Variants in AFDN observed in about 807,000 individuals in gnomAD.
AFDN encodes afadin, adherens junction formation factor.
Under a neutral mutation model 216.6 loss-of-function variants are expected in AFDN, and 68 were observed. The ratio of observed to expected loss-of-function variants is 0.31; its 90% confidence interval spans 0.26 to 0.38. The LOEUF (loss-of-function observed/expected upper bound fraction) is 0.38. AFDN is among the 10% of genes least tolerant of loss of function. The pLI is 1.00. For synonymous variants in AFDN, 868 were observed against 853.7 expected, an observed-to-expected ratio of 1.02 and a Z score of -0.29; for missense variants, 2,136 against 2,342.0, an observed-to-expected ratio of 0.91 and a Z score of 1.82.
rs181125786 is a variant in AFDN at position 167,856,619 on chromosome 6, C to T, written c.106-7932C>T. Among the ~76,000 whole-genome samples, 96 of 152,172 alleles carry T rather than the reference C, an allele frequency of 6.3e-4. 1 individual carries two copies. The highest frequency in any genetic ancestry group is 4.2e-3 in the Admixed American group (64 of 15,276). ...ATAGCCATGTATTTGAAGAAAGTAA[C>T]ATACTGATGAAATATGTAGTTCCTA... On this transcript the variant is annotated intron_variant, in intron 1 of 33. Transcript: ENST00000683244.
At chr6:167,872,516 C>T in intron 4 of AFDN, 139 bp downstream of exon 4, 1 of 916,868 alleles carries the variant, frequency 1.1e-6, no homozygotes, top group East Asian at 2.4e-5. Context: ...CTACTCCCAG[C>T]TCTTCTGTGT....
chr6:167,962,505 A>AGGCAAGAGGAAGAGCGCCGGC lies in AFDN; in HGVS notation c.4911_4931dup (p.Arg1642_Arg1648dup). 1 of 1,613,804 alleles carries AGGCAAGAGGAAGAGCGCCGGC rather than the reference A, an allele frequency of 6.2e-7. No individual in the cohort carries two copies. Among genetic ancestry groups the AGGCAAGAGGAAGAGCGCCGGC allele is most frequent in the Non-Finnish European group, 8.5e-7 (1 of 1,179,746 alleles). ...CAAGCGGGAAGCGGAAGACCGAGCG[A>AGGCAAGAGGAAGAGCGCCGGC]GGCAAGAGGAAGAGCGCCGGCGGCA... is the stretch of plus-strand genomic sequence containing the variant. On this transcript the variant is annotated inframe_insertion, in exon 31 of 34. Transcript: ENST00000683244. This position sits in a 1 kb window ranked among gnomAD's most constrained non-coding sequence, Gnocchi z 5.2.
Position 167,969,126 on chromosome 6 carries a change from A to C in AFDN, c.5270A>C (p.Tyr1757Ser). 2.5e-6 allele frequency: 4 copies of C among 1,613,594 alleles called. No homozygotes were observed. In the South Asian group the frequency reaches 4.4e-5, roughly 18 times the overall value. ...TTTCATGGAAAAGGACCAAACTCTT[A>C]CCCAGGATCTACTGGAGCAGCTGTT... The part of the protein sequence containing the change: ...EDCSLAGPNS[Y>S]PGSTGAAVGA... Residue 1757 changes from tyrosine to serine, a missense_variant, in exon 33 of 34, where the codon TAC (tyrosine) becomes TCC (serine). Tyr to Ser is a moderately radical substitution (Grantham distance 144, BLOSUM62 -2). Around this residue, in one of 8 missense-constraint regions of AFDN, gnomAD observed 981 missense variants for 966.0 expected, o/e 1.02. Transcript: ENST00000683244.
intron 2 of AFDN, among the ~76,000 whole-genome samples, chr6:167,865,927 A>AT (rs1784127749): frequency 1.3e-5 from 2 of 151,844 alleles, no homozygotes; most frequent in Admixed American, 6.6e-5. Flanking sequence ...AAGTCAGGCC[A>AT]TTTTTTGTTG....
At chr6:167,868,718 GT>G (rs1784462477) in intron 2 of AFDN, among the ~76,000 whole-genome samples, 1 of 147,566 alleles carries the variant, frequency 6.8e-6, no homozygotes. Flanking sequence ...CATTGGCCGA[GT>G]TTGTGCTTGA....
rs747568923 is a variant in AFDN, at chr6:167,864,412, A to ATC, written c.106-133_106-132dup. Reference sequence around the variant, plus strand: ...AATGAAACTTGAAGACTAAAAACCCATCTCTCTACATTAGTCTCAGATGTT... The same window carrying ATC: ...AATGAAACTTGAAGACTAAAAACCCATCTCTCTCTACATTAGTCTCAGATGTT... On this transcript the variant is annotated intron_variant, in intron 1 of 33. Transcript: ENST00000683244. The ATC allele has an allele frequency of 1.4e-5, 12 of 855,084 alleles. No homozygotes were observed. The East Asian group carries it at 2.6e-4, about 19-fold the overall frequency. 53.0% of individuals were successfully genotyped at this position (855,084 alleles called of 1,614,324 possible). A position where few individuals can be genotyped will look rare whatever the true frequency, so the allele number is the denominator to read the frequency against.
chr6:167,873,889 A>G (rs1229819388), intron 4 of AFDN, among the ~76,000 whole-genome samples: 5 of 152,230 alleles, frequency 3.3e-5, no homozygotes, highest in Non-Finnish European at 7.3e-5. Context: ...TTGTCAGTGA[A>G]TAAGGTATAC....
rs2128793252 is a variant in AFDN at position 167,971,788 on chromosome 6, AAT to A, written c.*1856_*1857del. ...TCTTTGGGCAGTGAGGTCAAATGTG[AAT>A]ATGTGTAAAAGTGCTTTTCAGAACT... On this transcript the variant is annotated 3_prime_UTR_variant, in exon 34 of 34. Coordinates refer to ENST00000683244, the MANE Select transcript of AFDN (RefSeq NM_001386888.1). 1 of 207,244 alleles carries A rather than the reference AAT, an allele frequency of 4.8e-6. No homozygotes were observed. Among genetic ancestry groups the A allele is most frequent in the African/African-American group, 2.3e-5 (1 of 43,920 alleles). 12.8% of individuals were successfully genotyped at this position (207,244 alleles called of 1,614,324 possible).
intron 21 of AFDN, among the ~76,000 whole-genome samples, chr6:167,920,122 G>A (rs919456451): frequency 1.3e-5 from 2 of 152,160 alleles, no homozygotes; most frequent in African/African-American, 4.8e-5. Context: ...GAGAGGCCAA[G>A]GTGAGATGAG....
intron 1 of AFDN, among the ~76,000 whole-genome samples, chr6:167,832,237 A>C (rs1003786456): frequency 1.3e-5 from 2 of 152,178 alleles, no homozygotes; most frequent in African/African-American, 4.8e-5. Flanking sequence ...GGCATGTCGG[A>C]GTTGGCTAAC....
intron 30 of AFDN, among the ~76,000 whole-genome samples, chr6:167,960,434 G>A (rs1316293485): frequency 2.0e-5 from 3 of 152,186 alleles, no homozygotes; most frequent in Non-Finnish European, 4.4e-5. Context: ...ATATACTTCT[G>A]TTTAAAAGAA....
At position 167,948,381 on chromosome 6, in the gene AFDN, C is replaced by G; in HGVS notation, c.3734C>G (p.Ser1245Cys). 1 of 1,614,126 alleles carries G rather than the reference C, an allele frequency of 6.2e-7. No homozygotes were observed. The highest frequency in any genetic ancestry group is 8.5e-7 in the Non-Finnish European group (1 of 1,180,012). ...REYFTFPASK[S>C]QDRMAPPQNQ... The stretch of plus-strand genomic sequence containing the variant: ...TATTTTACCTTCCCAGCTTCCAAAT[C>G]CCAGGATCGGATGGCTCCTCCTCAG... Residue 1245 changes from serine to cysteine, a missense_variant, in exon 29 of 34, where the codon TCC (serine) becomes TGC (cysteine). Coordinates refer to ENST00000683244, the MANE Select transcript of AFDN (RefSeq NM_001386888.1).
intron 1 of AFDN, among the ~76,000 whole-genome samples, chr6:167,862,376 G>T (rs1224003730): frequency 6.6e-6 from 1 of 151,268 alleles, no homozygotes; most frequent in Middle Eastern, 3.2e-3. Flanking sequence ...AGTTATAAAG[G>T]TTTGGTTTTT....
chr6:167,897,642 C>CTTTTTTTTTTTTTTTTTTTT (rs57383020), intron 10 of AFDN, among the ~76,000 whole-genome samples: 2 of 89,724 alleles, frequency 2.2e-5, no homozygotes, highest in South Asian at 4.2e-4. Context: ...GACTGTATGC[C>CTTTTTTTTTTTTTTTTTTTT]TTTTTTTTTT....
intron 5 of AFDN, 74 bp downstream of exon 5, chr6:167,875,569 A>T (rs980088265): frequency 2.9e-5 from 42 of 1,451,846 alleles, no homozygotes; most frequent in Non-Finnish European, 3.9e-5. Flanking sequence ...CGTGCGTGAG[A>T]CTTGCTTTAA....
chr6:167,907,776 A>T (rs1211100525), intron 13 of AFDN, among the ~76,000 whole-genome samples: 4 of 151,792 alleles, frequency 2.6e-5, no homozygotes, highest in African/African-American at 9.7e-5. Flanking sequence ...TAGATGGAGG[A>T]TGAATTTTTT....
rs1266327665 is a variant in AFDN at position 167,891,401 on chromosome 6, AGG to A, written c.1177+375_1177+376del. ...TATTTACCTAGGGCAGATTTCATAA[AGG>A]GGTGGGTGTGTGTGTGTGTGTGTGT... On this transcript the variant is annotated intron_variant, in intron 8 of 33. Transcript: ENST00000683244. Among the ~76,000 whole-genome samples, 523 of 85,228 alleles carry A rather than the reference AGG, an allele frequency of 6.1e-3. 6 individuals are homozygous for A. Among genetic ancestry groups the A allele is most frequent in the African/African-American group, 0.02 (487 of 24,842 alleles). The allele number at this position is 85,228 out of a possible 152,430, so 55.9% of individuals were successfully genotyped here.
chr6:167,967,787 C>T (rs73036619), intron 32 of AFDN, among the ~76,000 whole-genome samples: 3,001 of 152,228 alleles, frequency 0.02, 53 homozygotes, highest in Non-Finnish European at 0.033. Context: ...GTGTGCAGAG[C>T]GCATTCCGAC....
At chr6:167,865,642 A>G (rs971214254) in intron 2 of AFDN, among the ~76,000 whole-genome samples, 1 of 152,136 alleles carries the variant, frequency 6.6e-6, no homozygotes, top group Non-Finnish European at 1.5e-5. Context: ...AAATGTAGAA[A>G]TTTTTAAATT....
Sources: allele counts gnomAD v4.1 joint callset (sites outside exome capture counted in the v4.1 genomes callset), GRCh38; gene constraint gnomAD v4.1.1; regional missense constraint gnomAD v4.1.1; non-coding constraint Gnocchi (gnomAD v3.1); transcripts MANE v1.5; gene names NCBI Gene and HGNC (gene_info 2026-07-23, HGNC 2026-07-21).